The following FUT8 variants were observed in gnomAD, a reference collection of about 807,000 sequenced individuals.
FUT8 encodes the protein fucosyltransferase 8.
In FUT8, 29 loss-of-function variants were observed where a neutral mutation model predicts 71.3. The ratio of observed to expected loss-of-function variants is 0.41; its 90% CI spans 0.30 to 0.55. FUT8 has a LOEUF of 0.55. Ranked by LOEUF, FUT8 falls within the 20% of genes least tolerant of loss-of-function variation. The pLI is 0.34. For synonymous variants in FUT8, 254 were observed against 239.3 expected, an observed-to-expected ratio of 1.06 and a Z score of -0.57; for missense variants, 544 against 702.1, an observed-to-expected ratio of 0.77 and a Z score of 2.55.
chr14:65,523,846 C>A (rs915706606), intron 2 of FUT8, among the ~76,000 whole-genome samples: 1 of 152,270 alleles, frequency 6.6e-6, no homozygotes, highest in East Asian at 1.9e-4. Flanking sequence ...TTCCCCATTG[C>A]TTGTTTTTGT....
At position 65,616,328 on chromosome 14, in the gene FUT8, A is replaced by G; in HGVS notation, c.437A>G (p.Gln146Arg). The change falls in exon 5 of 11, where the codon CAA becomes CGA. Residue 146 changes from glutamine (Q) to arginine (R), a missense_variant. Coordinates refer to ENST00000673929, the MANE Select transcript of FUT8 (RefSeq NM_001371533.1). ...KLKNLEGNEL[Q>R]RHADEFLLDL... Reference sequence around the variant, plus strand: ...AAGAACTTAGAAGGAAATGAACTCCAAAGACATGCAGATGAATTTCTTTTG... The same window carrying G: ...AAGAACTTAGAAGGAAATGAACTCCGAAGACATGCAGATGAATTTCTTTTG... 5 of 1,610,798 alleles carry G rather than the reference A, an allele frequency of 3.1e-6. No homozygotes were observed. The highest frequency in any genetic ancestry group is 4.2e-6 in the Non-Finnish European group (5 of 1,178,806).
the FUT8 span, among the ~76,000 whole-genome samples, chr14:65,381,541 G>A: frequency 6.6e-6 from 1 of 152,204 alleles, no homozygotes; most frequent in Non-Finnish European, 1.5e-5. Context: ...CATGGAAAGC[G>A]TCAGTAACTA....
At chr14:65,423,046 C>T (rs558388193) in intron 1 of FUT8, among the ~76,000 whole-genome samples, 15 of 145,606 alleles carry the variant, frequency 1.0e-4, no homozygotes, top group Admixed American at 2.8e-4. Flanking sequence ...AGTGCAGTGG[C>T]GCGATCTCGG....
chr14:65,523,116 A>G (rs1883196032), intron 2 of FUT8, among the ~76,000 whole-genome samples: 2 of 152,306 alleles, frequency 1.3e-5, no homozygotes, highest in South Asian at 4.1e-4. Context: ...GTCAAATGGT[A>G]TTTCTAGTTC....
intron 2 of FUT8, chr14:65,471,160 G>C: frequency 6.5e-6 from 2 of 307,636 alleles, no homozygotes; most frequent in Admixed American, 5.2e-5. Flanking sequence ...CAGGACTATA[G>C]AACTTTCCCC....
chr14:65,385,095 C>A, the FUT8 span, among the ~76,000 whole-genome samples: 1 of 151,558 alleles, frequency 6.6e-6, no homozygotes, highest in African/African-American at 2.4e-5. Context: ...GACGGGATTT[C>A]TTTATGTTGG....
intron 3 of FUT8, among the ~76,000 whole-genome samples, chr14:65,583,910 C>T (rs1161210698): frequency 6.6e-6 from 1 of 152,186 alleles, no homozygotes; most frequent in Non-Finnish European, 1.5e-5. Context: ...GATGGAGTCT[C>T]GCTCATTCAC....
At chr14:65,678,151 G>A (rs539285771) in intron 7 of FUT8, among the ~76,000 whole-genome samples, 2 of 152,284 alleles carry the variant, frequency 1.3e-5, no homozygotes, top group South Asian at 4.1e-4. Flanking sequence ...TTAGTTTTAT[G>A]GGAACAAAGC....
intron 8 of FUT8, 57 bp downstream of exon 8, chr14:65,722,078 C>T (rs910461361): frequency 2.8e-5 from 44 of 1,578,794 alleles, no homozygotes; most frequent in Non-Finnish European, 3.5e-5. Flanking sequence ...GGTTATGTAT[C>T]TTTACAATAT....
chr14:65,736,150 A>C (rs1896205779), intron 10 of FUT8, among the ~76,000 whole-genome samples: 1 of 152,104 alleles, frequency 6.6e-6, no homozygotes. Flanking sequence ...ATTTTTCTAC[A>C]TGTGAAAAAA....
In FUT8 at chr14:65,550,668, TTTC is replaced by T. The variant is rs1362651757; in HGVS notation, c.-227-10666_-227-10664del. Among the ~76,000 whole-genome samples, 2 of 152,210 alleles carry T rather than the reference TTTC, an allele frequency of 1.3e-5. No homozygotes were observed. The highest frequency in any genetic ancestry group is 4.8e-5 in the African/African-American group (2 of 41,450). On this transcript the variant is annotated intron_variant, in intron 2 of 10. Coordinates refer to ENST00000673929, the MANE Select transcript of FUT8 (RefSeq NM_001371533.1). The surrounding 1 kb of genome is among the most constrained non-coding windows in gnomAD (Gnocchi z 4.5). Reference sequence around the variant, plus strand: ...TTTTCTTTTTTCAACATTTTCATTTTTTCTTTTAAATCCTAGCACATATTTCGA... The same window carrying T: ...TTTTCTTTTTTCAACATTTTCATTTTTTTTAAATCCTAGCACATATTTCGA...
At chr14:65,500,238 T>C (rs898440392) in intron 2 of FUT8, among the ~76,000 whole-genome samples, 3 of 152,214 alleles carry the variant, frequency 2.0e-5, no homozygotes, top group Non-Finnish European at 4.4e-5. Context: ...ATTCCTGCTT[T>C]CAGTATATTA....
intron 7 of FUT8, among the ~76,000 whole-genome samples, chr14:65,677,860 C>A (rs1892841983): frequency 6.6e-6 from 1 of 152,094 alleles, no homozygotes; most frequent in Non-Finnish European, 1.5e-5. Flanking sequence ...GGTATAAGGT[C>A]CTGTGGGCCA....
the FUT8 span, among the ~76,000 whole-genome samples, chr14:65,396,564 A>G: frequency 2.0e-5 from 3 of 152,214 alleles, no homozygotes; most frequent in Non-Finnish European, 4.4e-5. This position sits in a 1 kb window ranked among gnomAD's most constrained non-coding sequence, Gnocchi z 5.5. Context: ...TCATGATTCA[A>G]TTATCTCACA....
chr14:65,522,370 G>A (rs1883140693), intron 2 of FUT8, among the ~76,000 whole-genome samples: 1 of 151,594 alleles, frequency 6.6e-6, no homozygotes, highest in Admixed American at 6.6e-5. Context: ...TTTTTTTAAA[G>A]GGATTTATGA....
intron 1 of FUT8, among the ~76,000 whole-genome samples, chr14:65,436,502 C>T (rs995709986): frequency 4.6e-5 from 7 of 151,002 alleles, no homozygotes; most frequent in South Asian, 4.2e-4. Context: ...TGGTGGTGGG[C>T]GCCTGTAGTC....
chr14:65,408,861 AT>A (rs2065097514), upstream of FUT8, among the ~76,000 whole-genome samples: 1 of 152,208 alleles, frequency 6.6e-6, no homozygotes, highest in African/African-American at 2.4e-5. Context: ...GAAAATATAG[AT>A]TCTTAGCTAC....
intron 3 of FUT8, among the ~76,000 whole-genome samples, chr14:65,589,127 GAA>G (rs1594793704): frequency 6.6e-6 from 1 of 152,126 alleles, no homozygotes. Flanking sequence ...TGTTTGCCAG[GAA>G]AAGAGTGTTA....
intron 3 of FUT8, among the ~76,000 whole-genome samples, chr14:65,563,939 T>C (rs1360925130): frequency 1.3e-5 from 2 of 152,082 alleles, no homozygotes; most frequent in African/African-American, 4.8e-5. Context: ...GGTAATACCA[T>C]GTAATTACAG....
Sources: allele counts gnomAD v4.1 joint callset (sites outside exome capture counted in the v4.1 genomes callset), GRCh38; gene constraint gnomAD v4.1.1; non-coding constraint Gnocchi (gnomAD v3.1); transcripts MANE v1.5; gene names NCBI Gene and HGNC (gene_info 2026-07-23, HGNC 2026-07-21).